DGKB: variants seen among roughly 807,000 people sequenced by gnomAD.
DGKB encodes diacylglycerol kinase beta.
DGKB carries 67 observed loss-of-function variants against 114.3 expected under a neutral mutation model. That is an observed-to-expected ratio of 0.59 (90% CI 0.48 to 0.72). The LOEUF is 0.72. Among genes scored for constraint, DGKB ranks in the 30% least tolerant of loss-of-function variants. The pLI, the probability that DGKB is intolerant of heterozygous loss-of-function variation, is 0.00. For missense variants in DGKB, 907 were observed against 975.2 expected (o/e 0.93, Z 0.93); for synonymous variants, 398 against 323.1 (o/e 1.23, Z -2.49).
At chr7:14,448,079 C>T (rs984140551) in intron 21 of DGKB, among the ~76,000 whole-genome samples, 18 of 152,022 alleles carry the variant, frequency 1.2e-4, no homozygotes, top group African/African-American at 3.9e-4. Context: ...ATTTATTGAG[C>T]AGTTTTGTGT....
At chr7:14,516,601 G>C (rs1788832972) in intron 20 of DGKB, among the ~76,000 whole-genome samples, 1 of 152,144 alleles carries the variant, frequency 6.6e-6, no homozygotes, top group East Asian at 1.9e-4. Flanking sequence ...TGTGAGGGAA[G>C]TTATATTTCT....
At chr7:14,283,546 G>A (rs1008145579) in intron 23 of DGKB, among the ~76,000 whole-genome samples, 5 of 148,660 alleles carry the variant, frequency 3.4e-5, no homozygotes, top group South Asian at 2.1e-4. Flanking sequence ...AAAAGAGCCC[G>A]CATCGCCAAG....
At chr7:14,806,283 A>C (rs1842785368) in intron 2 of DGKB, among the ~76,000 whole-genome samples, 1 of 152,092 alleles carries the variant, frequency 6.6e-6, no homozygotes, top group African/African-American at 2.4e-5. Context: ...GGTTTCAATT[A>C]ATACTTTCAT....
intron 1 of DGKB, among the ~76,000 whole-genome samples, chr7:14,889,343 T>A (rs894849329): frequency 6.6e-6 from 1 of 151,674 alleles, no homozygotes; most frequent in Admixed American, 6.6e-5. Flanking sequence ...TCTCTTATAA[T>A]CATCTGAATG....
intron 1 of DGKB, among the ~76,000 whole-genome samples, chr7:14,965,841 C>T (rs1207210405): frequency 1.3e-5 from 2 of 151,984 alleles, no homozygotes; most frequent in African/African-American, 2.4e-5. Context: ...TAATGAAAAC[C>T]ATTTTTCAAT....
At position 14,415,015 on chromosome 7, in the gene DGKB, C is replaced by G. The variant is rs749139555; in HGVS notation, c.1835+63146G>C. Among the ~76,000 whole-genome samples the G allele has an allele frequency of 9.0e-5, 12 of 132,618 alleles. 1 individual carries two copies. The highest frequency in any genetic ancestry group is 1.0e-4 in the Non-Finnish European group (6 of 58,934). 87.0% of individuals were successfully genotyped at this position (132,618 alleles called of 152,430 possible). On this transcript the variant is annotated intron_variant, in intron 21 of 25. Coordinates refer to ENST00000402815, the MANE Select transcript of DGKB (RefSeq NM_001350709.2). ...CAAACAAACAAAAAATAAAAAAAAA[C>G]CCTCCTATAGAGTCTCACCAGAGTA...
At chr7:14,416,469 C>T (rs911317161) in intron 21 of DGKB, among the ~76,000 whole-genome samples, 3 of 151,990 alleles carry the variant, frequency 2.0e-5, no homozygotes, top group Non-Finnish European at 2.9e-5. Context: ...GCCTCAAGTC[C>T]TGGTACGGTT....
chr7:14,242,234 A>T (rs1459435459), intron 23 of DGKB, among the ~76,000 whole-genome samples: 1 of 152,094 alleles, frequency 6.6e-6, no homozygotes, highest in Non-Finnish European at 1.5e-5. Flanking sequence ...GTGTAGACTG[A>T]GTTCTCTTTG....
intron 20 of DGKB, among the ~76,000 whole-genome samples, chr7:14,492,871 A>C (rs1044479779): frequency 4.6e-5 from 7 of 152,130 alleles, no homozygotes; most frequent in African/African-American, 1.4e-4. Context: ...GATTGAAAGA[A>C]ATATTTTAAT....
chr7:14,735,234 C>CAG (rs1296366703), intron 5 of DGKB, among the ~76,000 whole-genome samples: 2 of 152,150 alleles, frequency 1.3e-5, no homozygotes, highest in Non-Finnish European at 2.9e-5. Context: ...CAGAGGCAGC[C>CAG]AGGAAGTATC....
intron 22 of DGKB, among the ~76,000 whole-genome samples, chr7:14,343,027 A>G (rs557512495): frequency 1.3e-5 from 2 of 151,828 alleles, no homozygotes; most frequent in East Asian, 3.9e-4. Context: ...AAACAGAATC[A>G]AATTTTCGAA....
At chr7:14,961,933 G>A (rs1279929590) in intron 1 of DGKB, among the ~76,000 whole-genome samples, 2 of 152,082 alleles carry the variant, frequency 1.3e-5, no homozygotes, top group Non-Finnish European at 2.9e-5. Flanking sequence ...TAGTAACACA[G>A]CCCAAAGTAT....
intron 23 of DGKB, among the ~76,000 whole-genome samples, chr7:14,291,572 G>A (rs940204047): frequency 6.6e-5 from 10 of 152,034 alleles, no homozygotes; most frequent in African/African-American, 2.4e-4. Flanking sequence ...TACAGTTTTT[G>A]AGGTTCTGAG....
chr7:14,822,177 A>G (rs1383423334), intron 2 of DGKB, among the ~76,000 whole-genome samples: 1 of 152,154 alleles, frequency 6.6e-6, no homozygotes, highest in Non-Finnish European at 1.5e-5. Context: ...GAAGATGTCA[A>G]TTAGACAGCT....
chr7:14,561,533 T>C (rs1796658629), intron 20 of DGKB, among the ~76,000 whole-genome samples: 1 of 152,044 alleles, frequency 6.6e-6, no homozygotes, highest in South Asian at 2.1e-4. Flanking sequence ...TTGCAAAGTT[T>C]GGAACTTCCT....
At chr7:14,624,829 C>T (rs934526580) in intron 14 of DGKB, among the ~76,000 whole-genome samples, 3 of 151,944 alleles carry the variant, frequency 2.0e-5, no homozygotes, top group African/African-American at 4.8e-5. Flanking sequence ...GAGCCCCTGT[C>T]GCTACTAAAA....
intron 23 of DGKB, among the ~76,000 whole-genome samples, chr7:14,184,823 G>A (rs555326600): frequency 2.0e-5 from 3 of 152,218 alleles, no homozygotes; most frequent in East Asian, 1.9e-4. Context: ...TAAATCCAGC[G>A]TCTCTTTATG....
intron 23 of DGKB, among the ~76,000 whole-genome samples, chr7:14,277,484 T>G (rs750112335): frequency 6.6e-6 from 1 of 152,220 alleles, no homozygotes; most frequent in Non-Finnish European, 1.5e-5. Context: ...GAGTTCAACT[T>G]TTTTAGATTC....
intron 21 of DGKB, among the ~76,000 whole-genome samples, chr7:14,447,644 C>T (rs1296956421): frequency 6.6e-6 from 1 of 151,938 alleles, no homozygotes; most frequent in Non-Finnish European, 1.5e-5. Context: ...TCATTGCATC[C>T]TAAAAGTAGA....
Sources: gnomAD v4.1 joint callset for allele counts (sites outside exome capture counted in the v4.1 genomes callset) on GRCh38, gnomAD v4.1.1 for gene constraint, MANE v1.5 for transcripts, NCBI Gene and HGNC (gene_info 2026-07-23, HGNC 2026-07-21) for gene names.